The following GRM5 variants were observed in gnomAD, a reference collection of about 807,000 sequenced individuals.
GRM5 encodes the protein glutamate metabotropic receptor 5.
GRM5 carries 19 observed loss-of-function variants against 83.1 expected under a neutral mutation model. That is an observed-to-expected ratio of 0.23 (90% CI 0.16 to 0.34). The LOEUF is 0.34. GRM5 is among the 10% of genes least tolerant of loss of function. GRM5 has a pLI of 1.00. For synonymous variants in GRM5, 675 were observed against 633.6 expected (o/e 1.07, Z -0.98); for missense variants, 1,160 against 1,588.3 (o/e 0.73, Z 4.58).
chr11:88,639,196 T>C (rs1400176849), intron 4 of GRM5, among the ~76,000 whole-genome samples: 1 of 152,142 alleles, frequency 6.6e-6, no homozygotes, highest in African/African-American at 2.4e-5. Flanking sequence ...TGTTCTGTTT[T>C]AAGTGGTTCT....
chr11:89,041,881 C>T (rs1376615898), intron 2 of GRM5, among the ~76,000 whole-genome samples: 1 of 152,226 alleles, frequency 6.6e-6, no homozygotes, highest in Middle Eastern at 3.4e-3. Context: ...TACAATCAAT[C>T]CATAATTTCA....
At chr11:88,549,874 G>A (rs971310020) in intron 8 of GRM5, among the ~76,000 whole-genome samples, 7 of 152,124 alleles carry the variant, frequency 4.6e-5, no homozygotes, top group Admixed American at 1.3e-4. Context: ...GGAAGATTAC[G>A]CTGGTAGCTG....
intron 3 of GRM5, among the ~76,000 whole-genome samples, chr11:88,790,057 T>C (rs1943145169): frequency 6.6e-6 from 1 of 152,100 alleles, no homozygotes; most frequent in Admixed American, 6.6e-5. Context: ...AGAGATGGGA[T>C]TTTGCCATGT....
At chr11:88,605,221 C>T (rs773020481) in intron 4 of GRM5, among the ~76,000 whole-genome samples, 19 of 151,986 alleles carry the variant, frequency 1.3e-4, no homozygotes, top group Non-Finnish European at 2.6e-4. Context: ...TCTTCCAAAA[C>T]CAAACTCTAA....
chr11:88,886,271 C>G (rs74700251), intron 2 of GRM5, among the ~76,000 whole-genome samples: 16,251 of 152,146 alleles, frequency 0.11, 1,397 homozygotes, highest in African/African-American at 0.21. Flanking sequence ...ATGACAAACC[C>G]TGGGTTTACA....
intron 4 of GRM5, among the ~76,000 whole-genome samples, chr11:88,640,915 A>T (rs2135286079): frequency 6.6e-6 from 1 of 152,284 alleles, no homozygotes; most frequent in Non-Finnish European, 1.5e-5. Flanking sequence ...ATTAGACATG[A>T]CTGACAATAC....
chr11:88,725,822 AC>A (rs1354923571), intron 3 of GRM5, among the ~76,000 whole-genome samples: 2 of 152,170 alleles, frequency 1.3e-5, no homozygotes, highest in Admixed American at 6.5e-5. Context: ...AAACTAACAA[AC>A]AGAAAGGAAT....
chr11:88,660,946 C>G (rs2135317463), intron 3 of GRM5, among the ~76,000 whole-genome samples: 1 of 152,292 alleles, frequency 6.6e-6, no homozygotes, highest in East Asian at 1.9e-4. Context: ...GTTCCTTCTG[C>G]TCTGCTTCTA....
chr11:88,770,282 A>C (rs987445349), intron 3 of GRM5, among the ~76,000 whole-genome samples: 2 of 152,128 alleles, frequency 1.3e-5, no homozygotes, highest in Non-Finnish European at 2.9e-5. Context: ...GAAAAAGGGC[A>C]TTAGATAAAA....
At chr11:88,749,032 C>T (rs1469028614) in intron 3 of GRM5, among the ~76,000 whole-genome samples, 1 of 152,176 alleles carries the variant, frequency 6.6e-6, no homozygotes, top group African/African-American at 2.4e-5. Flanking sequence ...AGCCAAAGTA[C>T]CTCTTCTCCT....
intron 4 of GRM5, among the ~76,000 whole-genome samples, chr11:88,614,954 G>A (rs1261170324): frequency 6.6e-6 from 1 of 152,080 alleles, no homozygotes; most frequent in Non-Finnish European, 1.5e-5. Context: ...GATAAACTTA[G>A]GGAAAACAAA....
chr11:88,797,342 A>G (rs1943300459), intron 3 of GRM5, among the ~76,000 whole-genome samples: 1 of 152,042 alleles, frequency 6.6e-6, no homozygotes, highest in Admixed American at 6.5e-5. Flanking sequence ...GAGTTTCACC[A>G]TGTTGATCAG....
chr11:88,776,120 G>A (rs1942842765), intron 3 of GRM5, among the ~76,000 whole-genome samples: 1 of 152,106 alleles, frequency 6.6e-6, no homozygotes, highest in Admixed American at 6.6e-5. Context: ...GAATCTGGGT[G>A]CTCCTGTATT....
At chr11:88,606,946 T>G (rs1256642434) in intron 4 of GRM5, among the ~76,000 whole-genome samples, 4 of 151,400 alleles carry the variant, frequency 2.6e-5, no homozygotes, top group Non-Finnish European at 4.4e-5. Flanking sequence ...AAGGTGTTTT[T>G]TTTTTTTTTT....
At chr11:88,737,509 T>C (rs928610470) in intron 3 of GRM5, among the ~76,000 whole-genome samples, 4 of 152,008 alleles carry the variant, frequency 2.6e-5, no homozygotes, top group African/African-American at 9.7e-5. Flanking sequence ...AATAAGAAAA[T>C]TGAACCTCAG....
At chr11:88,946,470 T>C (rs1389169207) in intron 2 of GRM5, among the ~76,000 whole-genome samples, 3 of 152,040 alleles carry the variant, frequency 2.0e-5, no homozygotes, top group African/African-American at 4.8e-5. Context: ...CTAGCAAAGA[T>C]ATAGAATCAA....
At chr11:88,838,203 A>G (rs1481133200) in intron 3 of GRM5, among the ~76,000 whole-genome samples, 1 of 152,074 alleles carries the variant, frequency 6.6e-6, no homozygotes, top group Non-Finnish European at 1.5e-5. Flanking sequence ...AATAAAAGAA[A>G]TATCTCATTC....
At chr11:88,800,515 TTG>T (rs1271574099) in intron 3 of GRM5, among the ~76,000 whole-genome samples, 4 of 152,174 alleles carry the variant, frequency 2.6e-5, no homozygotes, top group Non-Finnish European at 4.4e-5. Context: ...AAGAATCATA[TTG>T]TGTTTACCTT....
chr11:88,550,622 G>A (rs1458128808), intron 8 of GRM5, among the ~76,000 whole-genome samples: 1 of 152,098 alleles, frequency 6.6e-6, no homozygotes, highest in Non-Finnish European at 1.5e-5. Context: ...TCAGACAGTG[G>A]CTTTATATCT....
Sources: allele counts gnomAD v4.1 joint callset (sites outside exome capture counted in the v4.1 genomes callset), GRCh38; gene constraint gnomAD v4.1.1; transcripts MANE v1.5; gene names NCBI Gene and HGNC (gene_info 2026-07-23, HGNC 2026-07-21).